ERBB4: variants seen among roughly 807,000 people sequenced by gnomAD.
ERBB4 encodes erb-b2 receptor tyrosine kinase 4.
Under a neutral mutation model 158.0 loss-of-function variants are expected in ERBB4, and 42 were observed. The ratio of observed to expected loss-of-function variants is 0.27; its 90% CI spans 0.21 to 0.34. The LOEUF is 0.34. ERBB4 is among the 10% of genes least tolerant of loss of function. The pLI is 1.00. For synonymous variants in ERBB4, 583 were observed against 558.7 expected (o/e 1.04, Z -0.61); for missense variants, 1,333 against 1,624.1 (o/e 0.82, Z 3.08).
At chr2:212,064,305 G>T (rs2077874257) in intron 2 of ERBB4, among the ~76,000 whole-genome samples, 1 of 152,088 alleles carries the variant, frequency 6.6e-6, no homozygotes, top group Non-Finnish European at 1.5e-5. Flanking sequence ...TAAAATATGG[G>T]CAGTGTACTA....
chr2:211,875,050 A>AAAAAAAAAAAAAAAAAAAAAAC (rs66500425), intron 3 of ERBB4, among the ~76,000 whole-genome samples: 6 of 75,874 alleles, frequency 7.9e-5, no homozygotes, highest in Admixed American at 1.4e-4. Context: ...AAAAAAAAAA[A>AAAAAAAAAAAAAAAAAAAAAAC]CAAACTCAAA....
At chr2:211,761,246 T>G (rs1266253663) in intron 4 of ERBB4, among the ~76,000 whole-genome samples, 1 of 151,826 alleles carries the variant, frequency 6.6e-6, no homozygotes, top group Non-Finnish European at 1.5e-5. Context: ...CTTATTTTTA[T>G]TTTTTAAAGG....
chr2:212,413,134 A>ATTTTTTT (rs370397826), intron 1 of ERBB4, among the ~76,000 whole-genome samples: 827 of 100,850 alleles, frequency 8.2e-3, no homozygotes, highest in Non-Finnish European at 0.011. Flanking sequence ...TGCGTGGCTA[A>ATTTTTTT]TTTTTTTTTT....
chr2:211,790,114 G>T (rs1381930269), intron 3 of ERBB4, among the ~76,000 whole-genome samples: 2 of 152,000 alleles, frequency 1.3e-5, no homozygotes, highest in African/African-American at 4.8e-5. Flanking sequence ...GAAAGATTGT[G>T]AAATGGATTT....
chr2:212,002,838 C>A (rs961706719), intron 2 of ERBB4, among the ~76,000 whole-genome samples: 1 of 151,884 alleles, frequency 6.6e-6, no homozygotes, highest in Non-Finnish European at 1.5e-5. Context: ...GCGGGCGGAT[C>A]ACTTGAGGTC....
At chr2:211,803,461 G>T (rs2076544767) in intron 3 of ERBB4, among the ~76,000 whole-genome samples, 1 of 152,082 alleles carries the variant, frequency 6.6e-6, no homozygotes, top group African/African-American at 2.4e-5. Flanking sequence ...CCTGGTATTT[G>T]GTTTTAATGG....
intron 19 of ERBB4, among the ~76,000 whole-genome samples, chr2:211,610,632 A>G (rs534050868): frequency 6.6e-6 from 1 of 152,246 alleles, no homozygotes; most frequent in East Asian, 1.9e-4. Flanking sequence ...ATTGCACATG[A>G]TTAGTTTAAT....
At chr2:212,346,833 G>A (rs771899779) in intron 1 of ERBB4, among the ~76,000 whole-genome samples, 2 of 151,952 alleles carry the variant, frequency 1.3e-5, no homozygotes, top group Admixed American at 6.6e-5. Context: ...AATTAGGGAC[G>A]GAAGGAAATA....
At chr2:212,076,115 T>C (rs1344176846) in intron 2 of ERBB4, among the ~76,000 whole-genome samples, 1 of 152,032 alleles carries the variant, frequency 6.6e-6, no homozygotes, top group East Asian at 1.9e-4. Context: ...ATTGGTTTGT[T>C]ATGATGAATC....
chr2:211,799,156 C>T (rs1359127105), intron 3 of ERBB4, among the ~76,000 whole-genome samples: 1 of 152,018 alleles, frequency 6.6e-6, no homozygotes, highest in African/African-American at 2.4e-5. Context: ...TTCTTCCAGG[C>T]CAAGGGTCTG....
At chr2:211,576,965 G>A (rs1190059757) in intron 19 of ERBB4, among the ~76,000 whole-genome samples, 1 of 152,100 alleles carries the variant, frequency 6.6e-6, no homozygotes, top group African/African-American at 2.4e-5. Context: ...ATTCCTTCCA[G>A]AGTCTTCCTT....
At chr2:212,095,331 AG>A (rs1559487546) in intron 2 of ERBB4, among the ~76,000 whole-genome samples, 1 of 152,192 alleles carries the variant, frequency 6.6e-6, no homozygotes, top group Non-Finnish European at 1.5e-5. Flanking sequence ...CTATATGCCA[AG>A]CTTTCTCCCG....
At chr2:211,536,389 G>C (rs996068253) in intron 20 of ERBB4, among the ~76,000 whole-genome samples, 1 of 151,856 alleles carries the variant, frequency 6.6e-6, no homozygotes, top group African/African-American at 2.4e-5. Flanking sequence ...AAACTTGAAA[G>C]ATGGGTCTTC....
At chr2:212,191,892 A>C (rs560390502) in intron 1 of ERBB4, among the ~76,000 whole-genome samples, 1 of 111,120 alleles carries the variant, frequency 9.0e-6, no homozygotes, top group Admixed American at 1.2e-4. Flanking sequence ...GTTACATGTT[A>C]TATATTATAT....
At chr2:212,427,167 T>A (rs966918241) in intron 1 of ERBB4, among the ~76,000 whole-genome samples, 2 of 152,156 alleles carry the variant, frequency 1.3e-5, no homozygotes, top group African/African-American at 4.8e-5. Context: ...TGATCTGTTA[T>A]TTATGATACA....
chr2:211,984,922 G>A (rs2081899630), intron 2 of ERBB4, among the ~76,000 whole-genome samples: 1 of 151,984 alleles, frequency 6.6e-6, no homozygotes, highest in African/African-American at 2.4e-5. Context: ...AGTGGAGACG[G>A]GGTTTCACCA....
chr2:212,130,070 C>A (rs550533787), intron 1 of ERBB4, among the ~76,000 whole-genome samples: 3 of 152,190 alleles, frequency 2.0e-5, no homozygotes, highest in Non-Finnish European at 4.4e-5. Flanking sequence ...CAAGACAACG[C>A]TTAAACCATC....
intron 1 of ERBB4, among the ~76,000 whole-genome samples, chr2:212,129,610 C>T (rs111323089): frequency 6.6e-5 from 10 of 151,734 alleles, no homozygotes; most frequent in Admixed American, 2.0e-4. Context: ...ATTTATAACT[C>T]GTACTCAGAA....
At chr2:211,576,447 T>C (rs1251269078) in intron 19 of ERBB4, among the ~76,000 whole-genome samples, 1 of 152,204 alleles carries the variant, frequency 6.6e-6, no homozygotes, top group African/African-American at 2.4e-5. Context: ...GGTCAATTCA[T>C]GGCCATTATA....
Sources: gnomAD v4.1 joint callset for allele counts (sites outside exome capture counted in the v4.1 genomes callset) on GRCh38, gnomAD v4.1.1 for gene constraint, MANE v1.5 for transcripts, NCBI Gene and HGNC (gene_info 2026-07-23, HGNC 2026-07-21) for gene names.